MB21D2: variants seen among roughly 807,000 people sequenced by gnomAD.
MB21D2 encodes the protein Mab-21 domain containing 2.
In MB21D2, 9 loss-of-function variants were observed where a neutral mutation model predicts 33.3. The ratio of observed to expected loss-of-function variants is 0.27; its 90% confidence interval spans 0.16 to 0.47. The LOEUF (loss-of-function observed/expected upper bound fraction) is 0.47, where lower values mean the gene tolerates loss of function less well. Among genes scored for constraint, MB21D2 ranks in the 20% least tolerant of loss-of-function variants. The probability of loss-of-function intolerance (pLI) is 0.99; values close to 1 mark genes in which losing one functional copy is unlikely to be tolerated. For missense variants in MB21D2, 540 were observed against 624.6 expected (o/e 0.86, Z 1.44); for synonymous variants, 241 against 236.3 (o/e 1.02, Z -0.18).
At chr3:192,807,887 C>G (rs1216971940) in intron 1 of MB21D2, among the ~76,000 whole-genome samples, 1 of 151,436 alleles carries the variant, frequency 6.6e-6, no homozygotes, top group African/African-American at 2.4e-5. Flanking sequence ...TGCTGAGTAA[C>G]AAAGCTAATA....
In MB21D2 at chr3:192,799,438, CTGAG is replaced by C; in HGVS notation, c.420_423del (p.His140GlnfsTer8). The C allele has an allele frequency of 6.2e-7, 1 of 1,614,224 alleles. No individual in the cohort carries two copies. On this transcript the variant is annotated frameshift_variant, in exon 2 of 2. Coordinates refer to ENST00000392452, the MANE Select transcript of MB21D2 (RefSeq NM_178496.4). LOFTEE classifies it high-confidence loss of function. This position sits in a 1 kb window ranked among gnomAD's most constrained non-coding sequence, Gnocchi z 4.1. ...AGGCTCAGCCAAGAGTGGCACAAGGCTGAGTGGCGCATGTCGAGTGTCACAGGCT... is the reference window on the plus strand; with the variant it reads ...AGGCTCAGCCAAGAGTGGCACAAGGCTGGCGCATGTCGAGTGTCACAGGCT...
At chr3:192,837,581 C>G (rs759225734) in intron 1 of MB21D2, among the ~76,000 whole-genome samples, 2 of 152,204 alleles carry the variant, frequency 1.3e-5, no homozygotes, top group Non-Finnish European at 2.9e-5. Flanking sequence ...CCTTGATTGT[C>G]AGACCTGAAT....
At chr3:192,804,820 GT>G (rs1711629731) in intron 1 of MB21D2, among the ~76,000 whole-genome samples, 1 of 152,294 alleles carries the variant, frequency 6.6e-6, no homozygotes, top group African/African-American at 2.4e-5. Context: ...TATGGTTTAT[GT>G]TTCCAGGGTG....
At chr3:192,863,628 G>A (rs1440209323) in intron 1 of MB21D2, among the ~76,000 whole-genome samples, 1 of 152,148 alleles carries the variant, frequency 6.6e-6, no homozygotes, top group African/African-American at 2.4e-5. Context: ...AGAGCTCACT[G>A]TCTACTACAG....
intron 1 of MB21D2, among the ~76,000 whole-genome samples, chr3:192,854,119 G>A (rs902525057): frequency 6.6e-6 from 1 of 152,228 alleles, no homozygotes; most frequent in African/African-American, 2.4e-5. Flanking sequence ...TAAGTCGAAA[G>A]ACAGAAATGG....
At chr3:192,900,751 G>A (rs1714080078) in intron 1 of MB21D2, among the ~76,000 whole-genome samples, 1 of 152,034 alleles carries the variant, frequency 6.6e-6, no homozygotes. Flanking sequence ...GACAAGCCTG[G>A]CCAACATGGT....
At chr3:192,858,079 C>A (rs1038958773) in intron 1 of MB21D2, among the ~76,000 whole-genome samples, 4 of 152,146 alleles carry the variant, frequency 2.6e-5, no homozygotes, top group African/African-American at 9.7e-5. Context: ...GAGCCAAGAT[C>A]ACACCACTGC....
intron 1 of MB21D2, among the ~76,000 whole-genome samples, chr3:192,888,117 C>T (rs1713774369): frequency 1.3e-5 from 2 of 152,092 alleles, no homozygotes; most frequent in Non-Finnish European, 2.9e-5. Flanking sequence ...CACCCCAGCA[C>T]CAGGCATCAC....
chr3:192,881,358 GCTCTGTTT>G (rs1469647620), intron 1 of MB21D2, among the ~76,000 whole-genome samples: 1 of 152,058 alleles, frequency 6.6e-6, no homozygotes, highest in Non-Finnish European at 1.5e-5. Flanking sequence ...TTGCTCTGTA[GCTCTGTTT>G]CTGGGGCAGG....
At chr3:192,800,578 A>C (rs1711542019) in intron 1 of MB21D2, among the ~76,000 whole-genome samples, 1 of 152,220 alleles carries the variant, frequency 6.6e-6, no homozygotes, top group African/African-American at 2.4e-5. Flanking sequence ...TGGAGAAGAA[A>C]AATAAGTTAT....
chr3:192,812,371 CAAT>C (rs781452166), intron 1 of MB21D2, among the ~76,000 whole-genome samples: 96 of 152,132 alleles, frequency 6.3e-4, no homozygotes, highest in Non-Finnish European at 9.9e-4. Flanking sequence ...CACTAATTAT[CAAT>C]TATGTGTTTA....
At chr3:192,823,565 G>T (rs982803571) in intron 1 of MB21D2, among the ~76,000 whole-genome samples, 3 of 152,144 alleles carry the variant, frequency 2.0e-5, no homozygotes, top group African/African-American at 7.2e-5. Flanking sequence ...TGAGGCAAGA[G>T]AATCGCTTGA....
chr3:192,874,570 T>C (rs945683400), intron 1 of MB21D2, among the ~76,000 whole-genome samples: 1 of 152,172 alleles, frequency 6.6e-6, no homozygotes, highest in Admixed American at 6.5e-5. Context: ...ATCCAGTGCT[T>C]CCTGTCAAAA....
intron 1 of MB21D2, among the ~76,000 whole-genome samples, chr3:192,876,723 C>G (rs1392662): frequency 0.61 from 93,037 of 152,034 alleles, 30,370 homozygotes; most frequent in African/African-American, 0.84. Flanking sequence ...CATGTTTTCC[C>G]TGGGTTCATG....
At chr3:192,888,559 A>G (rs1713782980) in intron 1 of MB21D2, among the ~76,000 whole-genome samples, 1 of 152,112 alleles carries the variant, frequency 6.6e-6, no homozygotes, top group Non-Finnish European at 1.5e-5. Flanking sequence ...ACTTAACCAA[A>G]GTCTTCCGTC....
At chr3:192,871,544 A>G (rs1011228480) in intron 1 of MB21D2, among the ~76,000 whole-genome samples, 2 of 152,228 alleles carry the variant, frequency 1.3e-5, no homozygotes, top group Non-Finnish European at 2.9e-5. Flanking sequence ...AGGTGCAGGT[A>G]TGGGAATAAA....
intron 1 of MB21D2, among the ~76,000 whole-genome samples, chr3:192,823,340 T>C (rs983021397): frequency 4.6e-5 from 7 of 152,312 alleles, no homozygotes; most frequent in African/African-American, 1.7e-4. Flanking sequence ...CCTAACTGCG[T>C]CTACTCGCTG....
intron 1 of MB21D2, among the ~76,000 whole-genome samples, chr3:192,829,803 T>G (rs1712273116): frequency 6.6e-6 from 1 of 152,226 alleles, no homozygotes; most frequent in Non-Finnish European, 1.5e-5. Flanking sequence ...CACAGCTCAC[T>G]GCAGCTTCAA....
chr3:192,855,640 C>A (rs1413193615), intron 1 of MB21D2, among the ~76,000 whole-genome samples: 3 of 152,190 alleles, frequency 2.0e-5, no homozygotes, highest in African/African-American at 7.2e-5. Context: ...AGTCAAAACA[C>A]AGAAGTGCCA....
Sources: gnomAD v4.1 joint callset for allele counts (sites outside exome capture counted in the v4.1 genomes callset) on GRCh38, gnomAD v4.1.1 for gene constraint, Gnocchi (gnomAD v3.1) non-coding constraint, MANE v1.5 for transcripts, NCBI Gene and HGNC (gene_info 2026-07-23, HGNC 2026-07-21) for gene names.